Variants in CTBP2 observed in about 807,000 individuals in gnomAD.
CTBP2 encodes the protein C-terminal-binding protein 2.
CTBP2 carries 30 observed loss-of-function variants against 80.3 expected under a neutral mutation model. The ratio of observed to expected loss-of-function variants is 0.37; its 90% CI spans 0.28 to 0.51. The LOEUF is 0.51. Among genes scored for constraint, CTBP2 ranks in the 20% least tolerant of loss-of-function variants. The probability of loss-of-function intolerance (pLI) is 0.93; values close to 1 mark genes in which losing one functional copy is unlikely to be tolerated. For synonymous variants in CTBP2, 594 were observed against 587.4 expected, an observed-to-expected ratio of 1.01 and a Z score of -0.16; for missense variants, 1,212 against 1,375.3, an observed-to-expected ratio of 0.88 and a Z score of 1.88.
intron 1 of CTBP2, among the ~76,000 whole-genome samples, chr10:125,013,914 T>C (rs1590071875): frequency 6.6e-6 from 1 of 152,160 alleles, no homozygotes; most frequent in Non-Finnish European, 1.5e-5. Context: ...CAGGCTGAGG[T>C]AGGTCTTAAA....
Position 125,061,909 on chromosome 10 carries a change from C to G in CTBP2, c.-101-22754G>C, listed in dbSNP as rs562297756. On this transcript the variant is annotated intron_variant, in intron 2 of 10. Transcript: ENST00000337195. The stretch of plus-strand genomic sequence containing the variant: ...CATTCCTCCCAACAGTCTTAGGAAC[C>G]AGGTATGCTTTCCTCATCTAAAATG... Among the ~76,000 whole-genome samples the G allele has an allele frequency of 1.8e-4, 27 of 152,298 alleles. No homozygotes were observed. In the South Asian group the frequency reaches 5.4e-3, roughly 30 times the overall value.
At chr10:125,059,803 C>T (rs933638941) in intron 2 of CTBP2, among the ~76,000 whole-genome samples, 6 of 152,188 alleles carry the variant, frequency 3.9e-5, no homozygotes, top group South Asian at 4.2e-4. Flanking sequence ...CTCCAGGAGG[C>T]GGAATCTGTC....
At chr10:125,068,032 A>T (rs1022378285) in intron 2 of CTBP2, among the ~76,000 whole-genome samples, 2 of 152,184 alleles carry the variant, frequency 1.3e-5, no homozygotes, top group Non-Finnish European at 2.9e-5. Flanking sequence ...ACAACGGATG[A>T]ATACCCACTA....
Position 125,048,157 on chromosome 10 carries a change from C to T in CTBP2, c.-101-9002G>A, listed in dbSNP as rs182575507. Among the ~76,000 whole-genome samples the T allele has an allele frequency of 8.9e-3, 1,358 of 152,068 alleles. 11 individuals are homozygous for T. Among genetic ancestry groups the T allele is most frequent in the Non-Finnish European group, 0.013 (873 of 67,998 alleles). The stretch of plus-strand genomic sequence containing the variant: ...TTGCTCTCAAAACCAATGGAAACCC[C>T]CACGTGGGCTGACCTTTTCCTGTTG... On this transcript the variant is annotated intron_variant, in intron 2 of 10. Coordinates refer to the CTBP2 transcript ENST00000337195.
chr10:125,013,955 T>C (rs1229599264), intron 1 of CTBP2, among the ~76,000 whole-genome samples: 1 of 152,318 alleles, frequency 6.6e-6, no homozygotes, highest in Admixed American at 6.5e-5. Flanking sequence ...GGAATGTGAT[T>C]GTTCGATCTA....
At chr10:125,099,178 C>T (rs903523977) in intron 2 of CTBP2, among the ~76,000 whole-genome samples, 3 of 152,200 alleles carry the variant, frequency 2.0e-5, no homozygotes, top group Admixed American at 6.5e-5. Flanking sequence ...CAACTGAAAC[C>T]TAGACCTAGG....
At chr10:125,003,764 C>T (rs1465183135) in intron 1 of CTBP2, among the ~76,000 whole-genome samples, 1 of 152,094 alleles carries the variant, frequency 6.6e-6, no homozygotes, top group African/African-American at 2.4e-5. Context: ...ACCATGGGGC[C>T]CCGAGGCCAG....
intron 2 of CTBP2, among the ~76,000 whole-genome samples, chr10:125,050,555 G>A (rs1962476821): frequency 6.6e-6 from 1 of 152,152 alleles, no homozygotes; most frequent in African/African-American, 2.4e-5. Flanking sequence ...GGAGGAGGAG[G>A]GTGGGACACT....
chr10:125,027,683 C>T lies in CTBP2; in HGVS notation c.77G>A (p.Trp26Ter), dbSNP rs1216772267. The T allele has an allele frequency of 4.3e-6, 7 of 1,613,930 alleles. No homozygotes were observed. Among genetic ancestry groups the T allele is most frequent in the Non-Finnish European group, 5.9e-6 (7 of 1,179,982 alleles). Residue 26 changes from tryptophan to a stop codon, truncating the protein, a stop_gained, in exon 1 of 9, where the codon TGG (tryptophan) becomes TAG (stop). Coordinates refer to ENST00000309035, the MANE Select transcript of CTBP2 (RefSeq NM_022802.3). LOFTEE classifies it high-confidence loss of function. ...AGGCCGCAGGGACTCGGCGTTCTCC[C>T]AGGGGCCCTCGTACCACCCAGCAGC...
chr10:124,992,644 C>T (rs768609784), intron 8 of CTBP2, 51 bp downstream of exon 10: 5 of 1,390,332 alleles, frequency 3.6e-6, no homozygotes, highest in Non-Finnish European at 4.9e-6. Flanking sequence ...TCTCCCTGGC[C>T]CCGGGGCCGT....
At chr10:124,992,645 C>G in intron 8 of CTBP2, 50 bp downstream of exon 10, 1 of 1,401,390 alleles carries the variant, frequency 7.1e-7, no homozygotes, top group Non-Finnish European at 9.8e-7. Flanking sequence ...CTCCCTGGCC[C>G]CGGGGCCGTG....
At chr10:125,025,492 T>C (rs1564735395) in intron 1 of CTBP2, among the ~76,000 whole-genome samples, 2 of 152,252 alleles carry the variant, frequency 1.3e-5, no homozygotes, top group Non-Finnish European at 2.9e-5. Context: ...AAATCTGTTT[T>C]TGAAACTGAG....
intron 2 of CTBP2, among the ~76,000 whole-genome samples, chr10:125,076,045 T>C (rs1183733335): frequency 6.6e-6 from 1 of 152,206 alleles, no homozygotes; most frequent in Non-Finnish European, 1.5e-5. Flanking sequence ...AGAATGGGTG[T>C]ATAATCTGTG....
chr10:125,099,900 C>T (rs1850345842), intron 2 of CTBP2, among the ~76,000 whole-genome samples: 1 of 152,210 alleles, frequency 6.6e-6, no homozygotes. Flanking sequence ...TGGCCAGAAG[C>T]ATCCTCAAAA....
intron 2 of CTBP2, among the ~76,000 whole-genome samples, chr10:125,075,803 G>A (rs2050164816): frequency 6.6e-6 from 1 of 152,226 alleles, no homozygotes; most frequent in African/African-American, 2.4e-5. Flanking sequence ...TGCCAAAGCT[G>A]TGGAACACAA....
Position 125,026,424 on chromosome 10 carries a change from C to T in CTBP2, c.1336G>A (p.Ala446Thr), listed in dbSNP as rs772906761. 34 of 1,603,994 alleles carry T rather than the reference C, an allele frequency of 2.1e-5. No individual in the cohort carries two copies. The highest frequency in any genetic ancestry group is 1.5e-4 in the South Asian group (14 of 90,494). Residue 446 changes from alanine to threonine, a missense_variant, in exon 1 of 9, where the codon GCC becomes ACC. Ala to Thr is a moderately conservative substitution (Grantham distance 58). Transcript: ENST00000309035. The stretch of plus-strand genomic sequence containing the variant: ...GTGGGGCTCAGACGCGCTGTCAGGG[C>T]GCAAGGGGTGGGAGAGCTGTACCCG...
At chr10:125,142,551 C>T (rs1001368504) in intron 1 of CTBP2, among the ~76,000 whole-genome samples, 1 of 152,170 alleles carries the variant, frequency 6.6e-6, no homozygotes, top group African/African-American at 2.4e-5. Flanking sequence ...CGCAACCACC[C>T]GGTGGCGACG....
At chr10:125,152,311 T>C (rs1860127499) in intron 1 of CTBP2, among the ~76,000 whole-genome samples, 1 of 152,244 alleles carries the variant, frequency 6.6e-6, no homozygotes, top group Admixed American at 6.5e-5. Context: ...GTCCGGGAAA[T>C]GCAGGAGACC....
At chr10:125,091,200 C>T (rs1848712145) in intron 2 of CTBP2, among the ~76,000 whole-genome samples, 1 of 152,162 alleles carries the variant, frequency 6.6e-6, no homozygotes, top group African/African-American at 2.4e-5. Context: ...TTGGAGAGGC[C>T]TACTGGTCTG....
Sources: allele counts gnomAD v4.1 joint callset (sites outside exome capture counted in the v4.1 genomes callset), GRCh38; gene constraint gnomAD v4.1.1; transcripts MANE v1.5; gene names NCBI Gene and HGNC (gene_info 2026-07-23, HGNC 2026-07-21).